LDHC: variants seen among roughly 807,000 people sequenced by gnomAD.
LDHC encodes the protein lactate dehydrogenase C.
A neutral mutation model predicts 30.2 loss-of-function variants in LDHC; 20 were observed. The observed-to-expected ratio is 0.66, with a 90% CI of 0.47 to 0.96. The LOEUF is 0.96. LDHC is among the 40% of genes least tolerant of loss of function. The pLI is 0.00. For synonymous variants in LDHC, 139 were observed against 132.7 expected, an observed-to-expected ratio of 1.05 and a Z score of -0.32; for missense variants, 362 against 394.9, an observed-to-expected ratio of 0.92 and a Z score of 0.71.
At chr11:18,432,145 C>A (rs771309130) in intron 4 of LDHC, among the ~76,000 whole-genome samples, 2 of 151,964 alleles carry the variant, frequency 1.3e-5, no homozygotes, top group Non-Finnish European at 2.9e-5. Context: ...TGTATCCCAG[C>A]GGTTTTGATA....
intron 4 of LDHC, 30 bp downstream of exon 4, chr11:18,429,940 TA>T: frequency 7.1e-7 from 1 of 1,405,180 alleles, no homozygotes; most frequent in South Asian, 1.2e-5. Context: ...TTCTATTGCA[TA>T]AGGATGATCT....
chr11:18,426,449 C>G (rs932132258), intron 3 of LDHC, among the ~76,000 whole-genome samples: 1 of 149,064 alleles, frequency 6.7e-6, no homozygotes, highest in African/African-American at 2.5e-5. Flanking sequence ...ATCACTTGAA[C>G]CAGGGAGGCA....
chr11:18,447,797 C>A (rs905357694), intron 7 of LDHC, among the ~76,000 whole-genome samples: 1 of 152,064 alleles, frequency 6.6e-6, no homozygotes, highest in African/African-American at 2.4e-5. Context: ...CGCCTGTAAT[C>A]CCAGTACTTT....
At chr11:18,419,105 C>A (rs1015421422) in intron 3 of LDHC, among the ~76,000 whole-genome samples, 1 of 152,140 alleles carries the variant, frequency 6.6e-6, no homozygotes. Flanking sequence ...TGGACTAAGC[C>A]AGGGGTTACT....
At chr11:18,418,506 T>C (rs1274874900) in intron 3 of LDHC, among the ~76,000 whole-genome samples, 1 of 151,904 alleles carries the variant, frequency 6.6e-6, no homozygotes, top group Non-Finnish European at 1.5e-5. Context: ...CTCTGCTCAC[T>C]GCAACCTCCA....
At chr11:18,414,926 CA>C (rs139150798) in intron 2 of LDHC, among the ~76,000 whole-genome samples, 18,528 of 148,188 alleles carry the variant, frequency 0.13, 1,155 homozygotes, top group Admixed American at 0.16. Context: ...ATCTGAATGG[CA>C]AAAAAAAACA....
At chr11:18,437,751 C>CA (rs11308924) in intron 5 of LDHC, among the ~76,000 whole-genome samples, 2 of 126,400 alleles carry the variant, frequency 1.6e-5, no homozygotes, top group African/African-American at 3.0e-5. Context: ...GACTCCCTCT[C>CA]AAAAAAAAAA....
At chr11:18,441,981 A>G (rs1417615079) in intron 6 of LDHC, among the ~76,000 whole-genome samples, 6 of 152,088 alleles carry the variant, frequency 3.9e-5, no homozygotes, top group Non-Finnish European at 8.8e-5. Context: ...CTTGGGGCAC[A>G]CTCAGTTACA....
chr11:18,423,360 A>G (rs1848101263), intron 3 of LDHC, among the ~76,000 whole-genome samples: 1 of 152,206 alleles, frequency 6.6e-6, no homozygotes, highest in Non-Finnish European at 1.5e-5. Context: ...TTCCAAGCTA[A>G]TTCAAGACTT....
chr11:18,424,489 T>A (rs958578107), intron 3 of LDHC, among the ~76,000 whole-genome samples: 1 of 152,028 alleles, frequency 6.6e-6, no homozygotes, highest in Non-Finnish European at 1.5e-5. Context: ...CCAAGAAAAC[T>A]TTTGCACATG....
chr11:18,414,002 A>G, intron 2 of LDHC, among the ~76,000 whole-genome samples: 1 of 152,214 alleles, frequency 6.6e-6, no homozygotes, highest in Non-Finnish European at 1.5e-5. Flanking sequence ...GTCTTTGTAT[A>G]TCTTGGTTTA....
intron 5 of LDHC, among the ~76,000 whole-genome samples, chr11:18,437,762 A>G (rs1450049248): frequency 6.6e-6 from 1 of 150,876 alleles, no homozygotes; most frequent in Non-Finnish European, 1.5e-5. Context: ...AAAAAAAAAA[A>G]AAAAAGAAAA....
chr11:18,448,704 C>T (rs958065853), intron 7 of LDHC, among the ~76,000 whole-genome samples: 1 of 151,494 alleles, frequency 6.6e-6, no homozygotes, highest in African/African-American at 2.4e-5. Flanking sequence ...TTCACCAAAT[C>T]AAGGTGTGCA....
chr11:18,441,875 C>A (rs971067624), intron 6 of LDHC, among the ~76,000 whole-genome samples: 4 of 152,068 alleles, frequency 2.6e-5, no homozygotes, highest in African/African-American at 9.7e-5. Flanking sequence ...CACTGCACTC[C>A]AGCATGGGCG....
At chr11:18,440,135 A>G (rs1238406371) in intron 6 of LDHC, among the ~76,000 whole-genome samples, 3 of 142,808 alleles carry the variant, frequency 2.1e-5, no homozygotes, top group Non-Finnish European at 4.5e-5. Flanking sequence ...CTCCGTCTCT[A>G]CTAAAATACA....
rs1045848746 is a variant in LDHC, at chr11:18,412,374, T to A, written c.-44T>A. On this transcript the variant is annotated 5_prime_UTR_variant, in exon 1 of 8. Coordinates refer to ENST00000541669, the MANE Select transcript of LDHC (RefSeq NM_017448.5). Reference sequence around the variant, plus strand: ...TAGCGCCTCAACTGTCGTTGGTGTATTTTTCTGGTGTCACTTCTGTGCCTT... The same window carrying A: ...TAGCGCCTCAACTGTCGTTGGTGTAATTTTCTGGTGTCACTTCTGTGCCTT... 5 of 175,940 alleles carry A rather than the reference T, an allele frequency of 2.8e-5. No individual in the cohort carries two copies. The highest frequency in any genetic ancestry group is 9.5e-5 in the African/African-American group (4 of 42,156). 10.9% of individuals were successfully genotyped at this position (175,940 alleles called of 1,614,324 possible).
intron 4 of LDHC, among the ~76,000 whole-genome samples, chr11:18,432,825 C>T (rs548262346): frequency 2.0e-5 from 3 of 152,258 alleles, no homozygotes; most frequent in African/African-American, 7.2e-5. Context: ...TGCCTTTTTC[C>T]ACCCCTTTAT....
intron 3 of LDHC, among the ~76,000 whole-genome samples, chr11:18,426,570 TGTGAAATCA>T (rs1303402994): frequency 2.0e-5 from 3 of 147,766 alleles, no homozygotes; most frequent in Non-Finnish European, 4.5e-5. Context: ...AAGGGAGTAA[TGTGAAATCA>T]GTGAAATCAG....
chr11:18,418,578 T>C (rs1046410692), intron 3 of LDHC, among the ~76,000 whole-genome samples: 16 of 151,916 alleles, frequency 1.1e-4, no homozygotes, highest in African/African-American at 3.6e-4. Flanking sequence ...TACAGGTGCA[T>C]ACCACCATGC....
Sources: allele counts gnomAD v4.1 joint callset (sites outside exome capture counted in the v4.1 genomes callset), GRCh38; gene constraint gnomAD v4.1.1; transcripts MANE v1.5; gene names NCBI Gene and HGNC (gene_info 2026-07-23, HGNC 2026-07-21).